HOXA11: variants seen among roughly 807,000 people sequenced by gnomAD.
HOXA11 encodes the protein homeobox protein Hox-A11.
In HOXA11, 8 loss-of-function variants were observed where a neutral mutation model predicts 22.5. The ratio of observed to expected loss-of-function variants is 0.36; its 90% CI spans 0.21 to 0.64. HOXA11 has a LOEUF of 0.64. HOXA11 is among the 30% of genes least tolerant of loss of function. HOXA11 has a pLI of 0.67. For synonymous variants in HOXA11, 211 were observed against 188.4 expected, an observed-to-expected ratio of 1.12 and a Z score of -0.98; for missense variants, 388 against 429.0, an observed-to-expected ratio of 0.90 and a Z score of 0.84.
intron 1 of HOXA11, among the ~76,000 whole-genome samples, chr7:27,183,677 T>G (rs17472252): frequency 1.4e-3 from 207 of 144,866 alleles, no homozygotes; most frequent in African/African-American, 5.3e-3. Flanking sequence ...GAGCAGCGGC[T>G]CTATCTTAGG....
At position 27,184,674 on chromosome 7, in the gene HOXA11, G is replaced by T; in HGVS notation, c.471C>A (p.Ser157=). The change falls in exon 1 of 2, where the codon TCC becomes TCA. Residue 157 remains serine, a synonymous_variant. Transcript: ENST00000006015. ...CGGCGCTCTTGTCCCCGGGGTAGTC[G>T]GAGGAGGCGAGGTTTTCCGGGGTGC... is the stretch of plus-strand genomic sequence containing the variant. ...AYGTPENLAS[S]DYPGDKSAEK... 6.2e-7 allele frequency: 1 copy of T among 1,612,868 alleles called. No homozygotes were observed. The highest frequency in any genetic ancestry group is 2.2e-5 in the East Asian group (1 of 44,834).
chr7:27,184,217 T>C (rs1172313175), intron 1 of HOXA11, among the ~76,000 whole-genome samples: 1 of 152,122 alleles, frequency 6.6e-6, no homozygotes, highest in Non-Finnish European at 1.5e-5. Context: ...GGAGTTGTTT[T>C]TTTTTGCAGG....
intron 1 of HOXA11, among the ~76,000 whole-genome samples, chr7:27,183,747 TAAAAAAAAAAAAAA>T (rs61633228): frequency 1.9e-5 from 1 of 53,594 alleles, no homozygotes; most frequent in African/African-American, 7.2e-5. Context: ...GCTCCCCCTT[TAAAAAAAAAAAAAA>T]AAAAAAAAAA....
chr7:27,183,516 G>A (rs1003026208), intron 1 of HOXA11, among the ~76,000 whole-genome samples: 1 of 152,208 alleles, frequency 6.6e-6, no homozygotes, highest in Non-Finnish European at 1.5e-5. Context: ...TGGGGCGGCT[G>A]CCGGGTCTTT....
At chr7:27,184,295 C>A in intron 1 of HOXA11, 141 bp downstream of exon 1, 7 of 760,794 alleles carry the variant, frequency 9.2e-6, no homozygotes, top group Admixed American at 3.2e-5. Context: ...CCTTTTATAA[C>A]AAAGTTTTGT....
Position 27,182,433 on chromosome 7 carries a change from G to C in HOXA11, c.*363C>G, listed in dbSNP as rs1213773943. 1 of 429,472 alleles carries C rather than the reference G, an allele frequency of 2.3e-6. No individual in the cohort carries two copies. The highest frequency in any genetic ancestry group is 4.3e-6 in the Non-Finnish European group (1 of 231,932). 26.6% of individuals were successfully genotyped at this position (429,472 alleles called of 1,614,324 possible). On this transcript the variant is annotated 3_prime_UTR_variant, in exon 2 of 2. Coordinates refer to ENST00000006015, the MANE Select transcript of HOXA11 (RefSeq NM_005523.6). The stretch of plus-strand genomic sequence containing the variant: ...ACTCAGGGGTCCTGGGGGTGGGTAG[G>C]CTCCCAGTAGAGGGAGGGTGTGGTG...
chr7:27,181,252 A>G lies in HOXA11; in HGVS notation c.*1544T>C, dbSNP rs1783760245. On this transcript the variant is annotated 3_prime_UTR_variant, in exon 2 of 2. Coordinates refer to ENST00000006015, the MANE Select transcript of HOXA11 (RefSeq NM_005523.6). The stretch of plus-strand genomic sequence containing the variant: ...TAAGAACCAGAATTGAGGACAGGCC[A>G]ACACTCCCAGTACAAATGGAGCCAA... Among the ~76,000 whole-genome samples the G allele has an allele frequency of 2.0e-5, 3 of 152,342 alleles. No homozygotes were observed. The highest frequency in any genetic ancestry group is 7.2e-5 in the African/African-American group (3 of 41,574).
rs1045544324 is a variant in HOXA11 at position 27,182,465 on chromosome 7, G to C, written c.*331C>G. The C allele has an allele frequency of 4.4e-5, 20 of 459,460 alleles. No homozygotes were observed. The highest frequency in any genetic ancestry group is 6.4e-5 in the Non-Finnish European group (16 of 248,944). The allele number at this position is 459,460 out of a possible 1,614,324, so 28.5% of individuals were successfully genotyped here. On this transcript the variant is annotated 3_prime_UTR_variant, in exon 2 of 2. Transcript: ENST00000006015. ...GTAGAGGGAGGGTGTGGTGGGGTTA[G>C]TCTCCAGGGGGTCTGGCAGGGGCCC...
Position 27,182,729 on chromosome 7 carries a change from C to T in HOXA11, c.*67G>A, listed in dbSNP as rs1280305459. The T allele has an allele frequency of 3.8e-6, 4 of 1,066,322 alleles. No homozygotes were observed. The highest frequency in any genetic ancestry group is 5.9e-6 in the Non-Finnish European group (4 of 681,130). 66.1% of individuals were successfully genotyped at this position (1,066,322 alleles called of 1,614,324 possible). On this transcript the variant is annotated 3_prime_UTR_variant, in exon 2 of 2. Transcript: ENST00000006015. ...AAGTCACCATGTGGCTTGACTTTGTCAAGGGCAAAATCTGCATATTATCTC... is the reference window on the plus strand; with the variant it reads ...AAGTCACCATGTGGCTTGACTTTGTTAAGGGCAAAATCTGCATATTATCTC...
chr7:27,183,956 A>G (rs1783811886), intron 1 of HOXA11, among the ~76,000 whole-genome samples: 1 of 152,178 alleles, frequency 6.6e-6, no homozygotes, highest in African/African-American at 2.4e-5. Flanking sequence ...TAAGCGGGCT[A>G]CTTTATCTGT....
chr7:27,183,986 G>T (rs578174744), intron 1 of HOXA11, among the ~76,000 whole-genome samples: 3 of 152,232 alleles, frequency 2.0e-5, no homozygotes, highest in Admixed American at 1.3e-4. Context: ...TCCTAGCGCC[G>T]TCGTTAAACA....
Position 27,181,434 on chromosome 7 carries a change from C to A in HOXA11, c.*1362G>T, listed in dbSNP as rs573004664. 2 of 149,812 alleles carry A rather than the reference C, an allele frequency of 1.3e-5. No individual in the cohort carries two copies. Among genetic ancestry groups the A allele is most frequent in the African/African-American group, 3.4e-5 (1 of 29,250 alleles). The allele number at this position is 149,812 out of a possible 1,614,324, so 9.3% of individuals were successfully genotyped here. ...AGATTAAAAAGACCATTCTCAATACCTTTTCCACCCCCTCCAACACCCTAA... is the reference window on the plus strand; with the variant it reads ...AGATTAAAAAGACCATTCTCAATACATTTTCCACCCCCTCCAACACCCTAA... On this transcript the variant is annotated 3_prime_UTR_variant, in exon 2 of 2. Transcript: ENST00000006015.
At chr7:27,184,414 A>AG (rs1783823151) in intron 1 of HOXA11, 22 bp downstream of exon 1, 1 of 1,572,448 alleles carries the variant, frequency 6.4e-7, no homozygotes, top group South Asian at 1.2e-5. Flanking sequence ...CATAAAGCGC[A>AG]GGGCGCTGCC....
chr7:27,184,807 T>G lies in HOXA11; in HGVS notation c.338A>C (p.Asn113Thr), dbSNP rs768286488. Residue 113 changes from asparagine to threonine, a missense_variant, in exon 1 of 2, where the codon AAC becomes ACC. By Grantham distance (65) the Asn-to-Thr change is moderately conservative. This residue lies in a region of HOXA11 where 295 missense variants were observed against 281.1 expected (regional missense o/e 1.05). Transcript: ENST00000006015. ...TGCGGGGGTGGGGTGGTGGTAGACG[T>G]TGGCCGAGCTCTTGGCCAGCACGTC... ...PGDVLAKSSANVYHHPTPAVS... is the reference protein window; with the variant it reads ...PGDVLAKSSATVYHHPTPAVS... The G allele has an allele frequency of 1.2e-6, 2 of 1,613,858 alleles. No individual in the cohort carries two copies. The highest frequency in any genetic ancestry group is 3.3e-5 in the Admixed American group (2 of 60,022).
Position 27,181,583 on chromosome 7 carries a change from T to G in HOXA11, c.*1213A>C. ...CTGTATGAAGCATACATTCAAATAT[T>G]CTTAGCAGTGAGCGAGTTTAACCAC... On this transcript the variant is annotated 3_prime_UTR_variant, in exon 2 of 2. Transcript: ENST00000006015. 1 of 190,756 alleles carries G rather than the reference T, an allele frequency of 5.2e-6. No individual in the cohort carries two copies. Among genetic ancestry groups the G allele is most frequent in the East Asian group, 8.3e-5 (1 of 12,028 alleles). The allele number at this position is 190,756 out of a possible 1,614,324, so 11.8% of individuals were successfully genotyped here.
At position 27,181,202 on chromosome 7, in the gene HOXA11, T is replaced by G. The variant is rs1197048798; in HGVS notation, c.*1594A>C. Among the ~76,000 whole-genome samples the G allele has an allele frequency of 1.3e-5, 2 of 152,186 alleles. No homozygotes were observed. The highest frequency in any genetic ancestry group is 2.9e-5 in the Non-Finnish European group (2 of 68,044). On this transcript the variant is annotated 3_prime_UTR_variant, in exon 2 of 2. Coordinates refer to ENST00000006015, the MANE Select transcript of HOXA11 (RefSeq NM_005523.6). The stretch of plus-strand genomic sequence containing the variant: ...TTTTCCTTGTGCCCAGTTGCCTGTA[T>G]AAGTGCTGCAACACACACGGTGGGT...
In HOXA11 at chr7:27,182,445, G is replaced by C. The variant is rs577227574; in HGVS notation, c.*351C>G. 30 of 441,970 alleles carry C rather than the reference G, an allele frequency of 6.8e-5. No individual in the cohort carries two copies. The highest frequency in any genetic ancestry group is 6.6e-4 in the South Asian group (29 of 43,618). 27.4% of individuals were successfully genotyped at this position (441,970 alleles called of 1,614,324 possible). A position where few individuals can be genotyped will look rare whatever the true frequency, so the allele number is the denominator to read the frequency against. The stretch of plus-strand genomic sequence containing the variant: ...TGGGGGTGGGTAGGCTCCCAGTAGA[G>C]GGAGGGTGTGGTGGGGTTAGTCTCC... On this transcript the variant is annotated 3_prime_UTR_variant, in exon 2 of 2. Transcript: ENST00000006015.
At position 27,182,916 on chromosome 7, in the gene HOXA11, C is replaced by G. The variant is rs755750728; in HGVS notation, c.822G>C (p.Leu274=). 1.2e-6 allele frequency: 2 copies of G among 1,613,938 alleles called. No homozygotes were observed. Among genetic ancestry groups the G allele is most frequent in the Non-Finnish European group, 1.7e-6 (2 of 1,179,792 alleles). ...GATCAGTGAGGTTGAGCATGCGGGACAGTTGCAGGCGCTTCTCTTTGTTAA... is the reference window on the plus strand; with the variant it reads ...GATCAGTGAGGTTGAGCATGCGGGAGAGTTGCAGGCGCTTCTCTTTGTTAA... ...VYINKEKRLQ[L]SRMLNLTDRQ... Residue 274 remains leucine, a synonymous_variant, in exon 2 of 2, where the codon CTG becomes CTC. Coordinates refer to ENST00000006015, the MANE Select transcript of HOXA11 (RefSeq NM_005523.6).
chr7:27,184,352 C>G (rs958069285), intron 1 of HOXA11, 84 bp downstream of exon 1: 4 of 1,324,900 alleles, frequency 3.0e-6, no homozygotes, highest in Non-Finnish European at 4.2e-6. Context: ...GCTTATAAAA[C>G]AGCATATAAA....
Sources: gnomAD v4.1 joint callset for allele counts (sites outside exome capture counted in the v4.1 genomes callset) on GRCh38, gnomAD v4.1.1 for gene constraint, gnomAD v4.1.1 regional missense constraint, MANE v1.5 for transcripts, NCBI Gene and HGNC (gene_info 2026-07-23, HGNC 2026-07-21) for gene names.